Variants in MAST4 observed in about 807,000 individuals in gnomAD.
MAST4 encodes microtubule-associated serine/threonine-protein kinase 4.
Under a neutral mutation model 162.7 loss-of-function variants are expected in MAST4, and 89 were observed. The ratio of observed to expected loss-of-function variants is 0.55; its 90% CI spans 0.46 to 0.65. The LOEUF is 0.65. Among genes scored for constraint, MAST4 ranks in the 30% least tolerant of loss-of-function variants. The probability of loss-of-function intolerance (pLI) is 0.00; values close to 1 mark genes in which losing one functional copy is unlikely to be tolerated. For synonymous variants in MAST4, 1,479 were observed against 1,361.1 expected (o/e 1.09, Z -1.91); for missense variants, 3,153 against 3,374.0 (o/e 0.93, Z 1.62).
At chr5:66,747,250 C>T (rs1752827626) in intron 1 of MAST4, among the ~76,000 whole-genome samples, 1 of 152,014 alleles carries the variant, frequency 6.6e-6, no homozygotes, top group African/African-American at 2.4e-5. Flanking sequence ...AATCAATTCT[C>T]TTAAGAAATG....
At chr5:66,728,672 A>G (rs1341863037) in intron 1 of MAST4, among the ~76,000 whole-genome samples, 1 of 152,218 alleles carries the variant, frequency 6.6e-6, no homozygotes, top group Non-Finnish European at 1.5e-5. Flanking sequence ...TCTACGGAGA[A>G]AGGTAACAAA....
rs146663954 is a variant in MAST4 at position 66,725,827 on chromosome 5, G to A, written c.364-33882G>A. On this transcript the variant is annotated intron_variant, in intron 1 of 28. Coordinates refer to ENST00000403625, the MANE Select transcript of MAST4 (RefSeq NM_001164664.2). ...AGGAGGCACTATGATATGTGCCAGG[G>A]ATTCACTATGTTATGTGCCGGTTGA... 6.2e-4 allele frequency among the ~76,000 whole-genome samples: 94 copies of A among 152,264 alleles called. 1 individual carries two copies. The highest frequency in any genetic ancestry group is 1.1e-3 in the Non-Finnish European group (73 of 68,020).
At chr5:66,620,657 T>G (rs1231707332) in intron 1 of MAST4, among the ~76,000 whole-genome samples, 1 of 152,222 alleles carries the variant, frequency 6.6e-6, no homozygotes, top group Non-Finnish European at 1.5e-5. Flanking sequence ...CTTAACATTT[T>G]TGTAGATTTT....
intron 1 of MAST4, among the ~76,000 whole-genome samples, chr5:66,624,057 C>T (rs1744248502): frequency 6.8e-6 from 1 of 147,162 alleles, no homozygotes; most frequent in Admixed American, 6.8e-5. Context: ...GAGACTTGTA[C>T]ATTTAATTAT....
chr5:66,972,908 G>A (rs753353643), intron 4 of MAST4, among the ~76,000 whole-genome samples: 2 of 152,102 alleles, frequency 1.3e-5, no homozygotes, highest in East Asian at 1.9e-4. Context: ...CTGTGTCAGG[G>A]CTGATTATTC....
chr5:66,655,951 A>G (rs978608249), intron 1 of MAST4, among the ~76,000 whole-genome samples: 9 of 152,178 alleles, frequency 5.9e-5, no homozygotes, highest in African/African-American at 2.2e-4. Context: ...TTTAACTTGG[A>G]AAATATTTAT....
chr5:66,991,268 C>T (rs965572905), intron 4 of MAST4, among the ~76,000 whole-genome samples: 6 of 152,076 alleles, frequency 3.9e-5, no homozygotes, highest in Admixed American at 6.5e-5. Context: ...CTCATATTTA[C>T]GAAATGCCAA....
At chr5:66,611,748 G>T (rs1743303467) in intron 1 of MAST4, among the ~76,000 whole-genome samples, 1 of 152,196 alleles carries the variant, frequency 6.6e-6, no homozygotes, top group Non-Finnish European at 1.5e-5. Flanking sequence ...TAATCAGATG[G>T]GCACTGTCTT....
At chr5:66,926,944 C>G (rs1764950705) in intron 4 of MAST4, among the ~76,000 whole-genome samples, 1 of 151,950 alleles carries the variant, frequency 6.6e-6, no homozygotes, top group Non-Finnish European at 1.5e-5. Flanking sequence ...GTTGCCAGAG[C>G]CTTCAGCTAT....
intron 11 of MAST4, 144 bp from the exon 12 acceptor site, chr5:67,113,943 T>G (rs1050729201): frequency 1.4e-5 from 11 of 805,688 alleles, no homozygotes; most frequent in Admixed American, 2.8e-5. Flanking sequence ...AATTACATAC[T>G]TTTTAAAGCC....
chr5:67,096,794 C>T (rs1200058467), intron 7 of MAST4, among the ~76,000 whole-genome samples: 2 of 151,972 alleles, frequency 1.3e-5, no homozygotes, highest in Admixed American at 1.3e-4. Flanking sequence ...TTTTTCTATC[C>T]ATTATTCCAT....
chr5:66,826,963 C>G (rs766335931), intron 3 of MAST4, among the ~76,000 whole-genome samples: 1 of 152,128 alleles, frequency 6.6e-6, no homozygotes, highest in African/African-American at 2.4e-5. Context: ...CAACAATTGT[C>G]GTTCCCTTCG....
rs148599229 is a variant in MAST4 at position 66,872,817 on chromosome 5, A to G, written c.643-27134A>G. 1.4e-4 allele frequency among the ~76,000 whole-genome samples: 21 copies of G among 152,340 alleles called. No individual in the cohort carries two copies. The East Asian group carries it at 2.5e-3, about 18-fold the overall frequency. On this transcript the variant is annotated intron_variant, in intron 3 of 28. Coordinates refer to ENST00000403625, the MANE Select transcript of MAST4 (RefSeq NM_001164664.2). ...CACTAAAATACTGGGTGCATTAAGTACATCCACTGTTATACACAGCATGCA... is the reference window on the plus strand; with the variant it reads ...CACTAAAATACTGGGTGCATTAAGTGCATCCACTGTTATACACAGCATGCA...
At chr5:66,885,214 A>G (rs991497123) in intron 3 of MAST4, among the ~76,000 whole-genome samples, 1 of 149,952 alleles carries the variant, frequency 6.7e-6, no homozygotes, top group African/African-American at 2.5e-5. Flanking sequence ...TGCATCACCA[A>G]TACTTGAAAT....
intron 23 of MAST4, among the ~76,000 whole-genome samples, chr5:67,147,845 C>A (rs1771292484): frequency 6.6e-6 from 1 of 152,146 alleles, no homozygotes; most frequent in Non-Finnish European, 1.5e-5. Context: ...TGATATTTGC[C>A]TTAAGGTTAT....
chr5:66,677,635 C>T (rs1361208427), intron 1 of MAST4, among the ~76,000 whole-genome samples: 1 of 152,154 alleles, frequency 6.6e-6, no homozygotes, highest in African/African-American at 2.4e-5. Context: ...CTCTGCTATG[C>T]AAAGGGAGCT....
At chr5:66,673,267 GTCT>G (rs1323220945) in intron 1 of MAST4, among the ~76,000 whole-genome samples, 3 of 151,914 alleles carry the variant, frequency 2.0e-5, no homozygotes, top group Admixed American at 6.6e-5. Context: ...GTCCATAGTG[GTCT>G]TCTTTAGATA....
chr5:66,941,512 A>G (rs368655858), intron 4 of MAST4, among the ~76,000 whole-genome samples: 11 of 152,142 alleles, frequency 7.2e-5, no homozygotes, highest in East Asian at 5.8e-4. Flanking sequence ...ACTTTGCTCT[A>G]GATTAGGCTT....
chr5:66,825,497 T>A (rs1349670783), intron 3 of MAST4, among the ~76,000 whole-genome samples: 1 of 152,218 alleles, frequency 6.6e-6, no homozygotes, highest in Non-Finnish European at 1.5e-5. Flanking sequence ...GGGGAACCCA[T>A]ATCCTTGTAC....
Sources: gnomAD v4.1 joint callset for allele counts (sites outside exome capture counted in the v4.1 genomes callset) on GRCh38, gnomAD v4.1.1 for gene constraint, MANE v1.5 for transcripts, NCBI Gene and HGNC (gene_info 2026-07-23, HGNC 2026-07-21) for gene names.